The following GLI2 variants were observed in gnomAD, a reference collection of about 807,000 sequenced individuals.
GLI2 encodes transcription activator GLI2.
A neutral mutation model predicts 78.9 loss-of-function variants in GLI2; 22 were observed. That is an observed-to-expected ratio of 0.28 (90% CI 0.20 to 0.40). The LOEUF (loss-of-function observed/expected upper bound fraction) is 0.40, where lower values mean the gene tolerates loss of function less well. GLI2 is among the 10% of genes least tolerant of loss of function. The pLI is 1.00. For missense variants in GLI2, 2,097 were observed against 2,213.2 expected (o/e 0.95, Z 1.05); for synonymous variants, 974 against 963.7 (o/e 1.01, Z -0.20).
chr2:120,951,211 C>G lies in GLI2; in HGVS notation c.255-32C>G, dbSNP rs151057041. The G allele has an allele frequency of 6.8e-5, 89 of 1,316,334 alleles. No individual in the cohort carries two copies. In the East Asian group the frequency reaches 2.0e-3, roughly 30 times the overall value. 81.5% of individuals were successfully genotyped at this position (1,316,334 alleles called of 1,614,324 possible). A position where few individuals can be genotyped will look rare whatever the true frequency, so the allele number is the denominator to read the frequency against. The stretch of plus-strand genomic sequence containing the variant: ...CTTGGTGGGGTTCCCTCTGTGTCCT[C>G]CTTCTTAGACGGCTGCCCATTGTCT... On this transcript the variant is annotated intron_variant, in intron 3 of 13. Coordinates refer to ENST00000361492, the MANE Select transcript of GLI2 (RefSeq NM_001374353.1).
chr2:120,978,105 C>A (rs149084481), intron 9 of GLI2, among the ~76,000 whole-genome samples: 1 of 152,160 alleles, frequency 6.6e-6, no homozygotes, highest in African/African-American at 2.4e-5. Context: ...CCAATATAGA[C>A]GGTCACTTTG....
At chr2:120,810,607 A>C (rs1436292409) in intron 2 of GLI2, among the ~76,000 whole-genome samples, 1 of 152,114 alleles carries the variant, frequency 6.6e-6, no homozygotes, top group Non-Finnish European at 1.5e-5. Context: ...GGGATGTGCT[A>C]ATAGGGGCGC....
intron 2 of GLI2, among the ~76,000 whole-genome samples, chr2:120,804,106 G>A (rs1432326785): frequency 6.6e-6 from 1 of 152,138 alleles, no homozygotes; most frequent in Non-Finnish European, 1.5e-5. Flanking sequence ...GCTTAGTGGC[G>A]AGGCATGCAT....
intron 2 of GLI2, among the ~76,000 whole-genome samples, chr2:120,840,630 C>T (rs188304788): frequency 2.8e-4 from 43 of 152,272 alleles, no homozygotes; most frequent in African/African-American, 6.7e-4. Context: ...CATCACTCAG[C>T]GAGAAGGCAA....
At chr2:120,903,111 G>T (rs977188489) in intron 2 of GLI2, among the ~76,000 whole-genome samples, 4 of 152,082 alleles carry the variant, frequency 2.6e-5, no homozygotes, top group Non-Finnish European at 5.9e-5. Flanking sequence ...AGGGCCGGGC[G>T]CAGTGGGTCA....
chr2:120,758,175 C>A (rs1002489421), intron 1 of GLI2, among the ~76,000 whole-genome samples: 10 of 152,168 alleles, frequency 6.6e-5, no homozygotes, highest in Non-Finnish European at 2.9e-5. Flanking sequence ...CTTATCCGGG[C>A]CGCCTGGCCT....
At position 120,988,353 on chromosome 2, in the gene GLI2, C is replaced by G. The variant is rs771187534; in HGVS notation, c.2388C>G (p.Val796=). 3.6e-5 allele frequency: 56 copies of G among 1,572,812 alleles called. No homozygotes were observed. Among genetic ancestry groups the G allele is most frequent in the Non-Finnish European group, 4.8e-5 (56 of 1,166,578 alleles). The change falls in exon 14 of 14, where the codon GTC becomes GTG. Residue 796 remains valine (V), a synonymous_variant. Coordinates refer to ENST00000361492, the MANE Select transcript of GLI2 (RefSeq NM_001374353.1). The part of the protein sequence containing the change: ...QERRDSSTST[V]SSAYTVSRRS... ...GCCGCGACAGCTCCACCAGCACGGT[C>G]AGCTCGGCCTACACCGTGAGCCGCC...
intron 2 of GLI2, among the ~76,000 whole-genome samples, chr2:120,846,939 G>C (rs1316764218): frequency 6.6e-6 from 1 of 152,226 alleles, no homozygotes; most frequent in Non-Finnish European, 1.5e-5. Flanking sequence ...CTGGGAGCAA[G>C]CATGGGTTTT....
intron 2 of GLI2, among the ~76,000 whole-genome samples, chr2:120,918,493 T>G (rs1427925846): frequency 6.7e-6 from 1 of 149,514 alleles, no homozygotes; most frequent in East Asian, 2.0e-4. Context: ...CAGGCTGGAG[T>G]GCATTGGCGC....
intron 2 of GLI2, among the ~76,000 whole-genome samples, chr2:120,881,554 T>C (rs1326649957): frequency 3.5e-5 from 2 of 57,924 alleles, no homozygotes; most frequent in Admixed American, 2.0e-4. Flanking sequence ...GGAAAGACAG[T>C]GGTGGGGAGG....
chr2:120,952,486 T>C (rs956792099), intron 4 of GLI2, among the ~76,000 whole-genome samples: 4 of 152,198 alleles, frequency 2.6e-5, no homozygotes, highest in Non-Finnish European at 4.4e-5. Flanking sequence ...CAGGCTGGGA[T>C]TGCACGATGA....
At chr2:120,938,944 T>A (rs201586413) in intron 3 of GLI2, among the ~76,000 whole-genome samples, 5 of 31,894 alleles carry the variant, frequency 1.6e-4, no homozygotes, top group African/African-American at 1.8e-4. Context: ...GCCATCCTTT[T>A]AAAAAAAAAA....
At chr2:120,942,736 G>A (rs73949989) in intron 3 of GLI2, among the ~76,000 whole-genome samples, 6,757 of 152,266 alleles carry the variant, frequency 0.044, 178 homozygotes, top group Middle Eastern at 0.079. Context: ...GAGGTGAGCC[G>A]GGACCCATGT....
chr2:120,870,670 C>T (rs909552898), intron 2 of GLI2, among the ~76,000 whole-genome samples: 6 of 152,182 alleles, frequency 3.9e-5, no homozygotes, highest in East Asian at 1.9e-4. Flanking sequence ...CAAGTGACCG[C>T]GCCATGTGCC....
At chr2:120,944,716 G>A (rs138858861) in intron 3 of GLI2, among the ~76,000 whole-genome samples, 4 of 152,308 alleles carry the variant, frequency 2.6e-5, no homozygotes, top group African/African-American at 9.6e-5. Context: ...ACTCCCACTC[G>A]GCCACCTCCA....
chr2:120,902,563 G>A (rs917131610), intron 2 of GLI2, among the ~76,000 whole-genome samples: 2 of 152,146 alleles, frequency 1.3e-5, no homozygotes, highest in Non-Finnish European at 2.9e-5. Context: ...TGCTCATGGG[G>A]GTGTCAGGAG....
intron 1 of GLI2, among the ~76,000 whole-genome samples, chr2:120,751,764 T>C: frequency 6.6e-6 from 1 of 152,204 alleles, no homozygotes; most frequent in African/African-American, 2.4e-5. Flanking sequence ...CATATTGTTT[T>C]GCAATCTTCA....
At chr2:120,942,735 C>T (rs1197632698) in intron 3 of GLI2, among the ~76,000 whole-genome samples, 5 of 152,172 alleles carry the variant, frequency 3.3e-5, no homozygotes, top group East Asian at 1.9e-4. Context: ...TGAGGTGAGC[C>T]GGGACCCATG....
Position 120,965,475 on chromosome 2 carries a change from C to T in GLI2, c.644-3239C>T, listed in dbSNP as rs968030293. 4.0e-5 allele frequency among the ~76,000 whole-genome samples: 6 copies of T among 150,602 alleles called. No individual in the cohort carries two copies. The East Asian group carries it at 5.9e-4, about 15-fold the overall frequency. ...GTGCAGCAGAGGGGCACACTCCAGC[C>T]GGGATGCAGATGCTGCGGCAGAGGG... is the stretch of plus-strand genomic sequence containing the variant. On this transcript the variant is annotated intron_variant, in intron 5 of 13. Transcript: ENST00000361492.
Sources: allele counts gnomAD v4.1 joint callset (sites outside exome capture counted in the v4.1 genomes callset), GRCh38; gene constraint gnomAD v4.1.1; transcripts MANE v1.5; gene names NCBI Gene and HGNC (gene_info 2026-07-23, HGNC 2026-07-21).